The following PTPRG variants were observed in gnomAD, a reference collection of about 807,000 sequenced individuals.
PTPRG encodes receptor-type tyrosine-protein phosphatase gamma.
A neutral mutation model predicts 165.3 loss-of-function variants in PTPRG; 102 were observed. The ratio of observed to expected loss-of-function variants is 0.62; its 90% CI spans 0.53 to 0.73. The LOEUF (loss-of-function observed/expected upper bound fraction) is 0.73, where lower values mean the gene tolerates loss of function less well. PTPRG is among the 30% of genes least tolerant of loss of function. The pLI is 0.00. For synonymous variants in PTPRG, 675 were observed against 669.5 expected (o/e 1.01, Z -0.13); for missense variants, 1,866 against 1,861.4 (o/e 1.00, Z -0.05).
chr3:62,269,156 C>T lies in PTPRG; in HGVS notation c.2996C>T (p.Thr999Ile), dbSNP rs765414225. 1.5e-5 allele frequency: 24 copies of T among 1,579,690 alleles called. No homozygotes were observed. The part of the protein sequence containing the change: ...YTVRRFSIRN[T>I]KVKKGQKGNP... The stretch of plus-strand genomic sequence containing the variant: ...GTTCGTCGTTTTTCAATCAGAAATA[C>T]AAAAGTGAAAAAGGTATGGAAGGAA... Residue 999 changes from threonine to isoleucine, a missense_variant, in exon 20 of 30, where the codon ACA becomes ATA. Coordinates refer to ENST00000474889, the MANE Select transcript of PTPRG (RefSeq NM_002841.4).
At chr3:62,167,531 TA>T (rs1188641410) in intron 7 of PTPRG, among the ~76,000 whole-genome samples, 1 of 152,226 alleles carries the variant, frequency 6.6e-6, no homozygotes, top group Non-Finnish European at 1.5e-5. Context: ...TGGCTCAGGT[TA>T]AGCAGCTTGT....
At chr3:61,647,253 C>G (rs771622903) in intron 1 of PTPRG, among the ~76,000 whole-genome samples, 1 of 152,180 alleles carries the variant, frequency 6.6e-6, no homozygotes, top group Non-Finnish European at 1.5e-5. Context: ...TCCTGTCTTT[C>G]ATTTTACCGT....
intron 4 of PTPRG, among the ~76,000 whole-genome samples, chr3:62,043,138 A>G (rs990111946): frequency 2.6e-5 from 4 of 152,172 alleles, no homozygotes; most frequent in Admixed American, 6.5e-5. Flanking sequence ...GGCAAAACTC[A>G]TTTTCCTGTG....
In PTPRG at chr3:61,593,726, A is replaced by C. The variant is rs891099421; in HGVS notation, c.85+31354A>C. Among the ~76,000 whole-genome samples the C allele has an allele frequency of 1.2e-4, 18 of 149,970 alleles. No homozygotes were observed. In the South Asian group the frequency reaches 3.6e-3, roughly 30 times the overall value. On this transcript the variant is annotated intron_variant, in intron 1 of 29. Transcript: ENST00000474889. ...AAAACTGGAAAAAAAAAAAAAAAGA[A>C]GAAAAAGCCAGAAAAACTCTTCTGC...
In PTPRG at chr3:62,087,213, C is replaced by T. The variant is rs577518264; in HGVS notation, c.615+8955C>T. ...CCCTCTGAAAGGTTAAGTGATTGAC[C>T]GTGGTCCCCTAGCTCTTTGCAGTCT... On this transcript the variant is annotated intron_variant, in intron 5 of 29. Transcript: ENST00000474889. 3.9e-5 allele frequency among the ~76,000 whole-genome samples: 6 copies of T among 152,250 alleles called. No individual in the cohort carries two copies. The South Asian group carries it at 1.0e-3, about 26-fold the overall frequency.
At chr3:61,720,338 G>A (rs2031995416) in intron 1 of PTPRG, among the ~76,000 whole-genome samples, 1 of 152,114 alleles carries the variant, frequency 6.6e-6, no homozygotes, top group Admixed American at 6.6e-5. Flanking sequence ...TGACCAGTCT[G>A]CTTTTGAATT....
intron 2 of PTPRG, among the ~76,000 whole-genome samples, chr3:61,801,606 A>G (rs2035244206): frequency 6.6e-6 from 1 of 152,124 alleles, no homozygotes; most frequent in African/African-American, 2.4e-5. Flanking sequence ...AATGGAAAAG[A>G]ATAACGTCTG....
intron 14 of PTPRG, among the ~76,000 whole-genome samples, chr3:62,239,059 G>T (rs929782401): frequency 4.6e-5 from 7 of 152,232 alleles, no homozygotes; most frequent in Admixed American, 4.6e-4. Context: ...ATATGGTGGG[G>T]AATCATTGGA....
intron 6 of PTPRG, among the ~76,000 whole-genome samples, chr3:62,142,006 G>T (rs896041968): frequency 6.6e-6 from 1 of 151,114 alleles, no homozygotes; most frequent in South Asian, 2.1e-4. Context: ...GGATAAAGAC[G>T]TAGTGGTGCA....
At chr3:61,702,685 C>A (rs547640996) in intron 1 of PTPRG, among the ~76,000 whole-genome samples, 138 of 152,296 alleles carry the variant, frequency 9.1e-4, no homozygotes, top group Non-Finnish European at 4.9e-4. Context: ...TTTCCCAACC[C>A]CCCACCAGGT....
At position 62,226,963 on chromosome 3, in the gene PTPRG, AT is replaced by A. The variant is rs554403555; in HGVS notation, c.2289-4254del. Among the ~76,000 whole-genome samples, 447 of 152,138 alleles carry A rather than the reference AT, an allele frequency of 2.9e-3. 3 individuals are homozygous for A. The highest frequency in any genetic ancestry group is 5.6e-3 in the Non-Finnish European group (383 of 67,982). On this transcript the variant is annotated intron_variant, in intron 13 of 29. Transcript: ENST00000474889. ...ACAAGTGAGTTTTGTTGACATTGCAATTTTTTTTCTTCCCTGGATGTTCAGT... is the reference window on the plus strand; with the variant it reads ...ACAAGTGAGTTTTGTTGACATTGCAATTTTTTTCTTCCCTGGATGTTCAGT...
chr3:61,801,675 C>G lies in PTPRG; in HGVS notation c.190+52693C>G, dbSNP rs151285166. ...CAAGACGGTTAGGGACTGTTTCTCT[C>G]TGTTTCTGGGCTCTGCCATCCATAT... is the stretch of plus-strand genomic sequence containing the variant. On this transcript the variant is annotated intron_variant, in intron 2 of 29. Coordinates refer to ENST00000474889, the MANE Select transcript of PTPRG (RefSeq NM_002841.4). 1.1e-4 allele frequency among the ~76,000 whole-genome samples: 16 copies of G among 152,262 alleles called. No individual in the cohort carries two copies. In the East Asian group the frequency reaches 3.1e-3, roughly 29 times the overall value.
chr3:62,277,091 A>C (rs1702256360), intron 25 of PTPRG, 43 bp downstream of exon 25: 2 of 1,486,532 alleles, frequency 1.3e-6, no homozygotes. Context: ...AACTAAACTG[A>C]AAGGTGTTAA....
intron 2 of PTPRG, among the ~76,000 whole-genome samples, chr3:61,839,139 A>G (rs1260332816): frequency 6.6e-6 from 1 of 152,216 alleles, no homozygotes; most frequent in Non-Finnish European, 1.5e-5. Context: ...ACTTTCAATT[A>G]GGGGCTTTAA....
intron 28 of PTPRG, among the ~76,000 whole-genome samples, chr3:62,287,207 T>C (rs1702697431): frequency 6.6e-6 from 1 of 152,132 alleles, no homozygotes; most frequent in African/African-American, 2.4e-5. Flanking sequence ...AGTTTAACCA[T>C]TTCACTAGAA....
intron 7 of PTPRG, among the ~76,000 whole-genome samples, chr3:62,157,926 A>G (rs191045944): frequency 1.7e-3 from 261 of 152,352 alleles, no homozygotes; most frequent in Non-Finnish European, 3.3e-3. Flanking sequence ...GGGTATTCAC[A>G]TAGAACATCA....
At chr3:61,852,671 G>C (rs927227474) in intron 2 of PTPRG, among the ~76,000 whole-genome samples, 2 of 152,148 alleles carry the variant, frequency 1.3e-5, no homozygotes, top group South Asian at 2.1e-4. Context: ...TGGAGACTCT[G>C]TATTTCTAGG....
intron 2 of PTPRG, among the ~76,000 whole-genome samples, chr3:61,828,611 C>T (rs2036178402): frequency 2.0e-5 from 3 of 152,248 alleles, no homozygotes; most frequent in Admixed American, 2.0e-4. Flanking sequence ...TGTGTGAACC[C>T]AGAGGAAGTG....
intron 12 of PTPRG, among the ~76,000 whole-genome samples, chr3:62,207,647 C>T (rs1175287205): frequency 1.3e-5 from 2 of 152,166 alleles, no homozygotes; most frequent in Admixed American, 6.5e-5. Flanking sequence ...TGTAAAGTTA[C>T]ACACTGTTAT....
Sources: allele counts gnomAD v4.1 joint callset (sites outside exome capture counted in the v4.1 genomes callset), GRCh38; gene constraint gnomAD v4.1.1; transcripts MANE v1.5; gene names NCBI Gene and HGNC (gene_info 2026-07-23, HGNC 2026-07-21).